The following STXBP5L variants were observed in gnomAD, a reference collection of about 807,000 sequenced individuals.
STXBP5L encodes syntaxin binding protein 5L.
In STXBP5L, 65 loss-of-function variants were observed where a neutral mutation model predicts 144.5. The observed-to-expected ratio is 0.45, with a 90% confidence interval of 0.37 to 0.55. The LOEUF (loss-of-function observed/expected upper bound fraction) is 0.55. Ranked by LOEUF, STXBP5L falls within the 20% of genes least tolerant of loss-of-function variation. The probability of loss-of-function intolerance (pLI) is 0.00; values close to 1 mark genes in which losing one functional copy is unlikely to be tolerated. For synonymous variants in STXBP5L, 505 were observed against 469.6 expected, an observed-to-expected ratio of 1.08 and a Z score of -0.97; for missense variants, 1,298 against 1,405.5, an observed-to-expected ratio of 0.92 and a Z score of 1.22.
At chr3:120,971,560 A>T (rs1214964838) in intron 3 of STXBP5L, among the ~76,000 whole-genome samples, 1 of 151,824 alleles carries the variant, frequency 6.6e-6, no homozygotes, top group Non-Finnish European at 1.5e-5. Context: ...AGTGGCCTCC[A>T]GTTCCATCCA....
At chr3:121,320,429 G>C (rs78599285) in intron 20 of STXBP5L, among the ~76,000 whole-genome samples, 297 of 151,846 alleles carry the variant, frequency 2.0e-3, no homozygotes, top group African/African-American at 6.9e-3. Flanking sequence ...ATCTAAGTAT[G>C]CCCCTTGTGA....
At chr3:121,192,916 G>C (rs1489195152) in intron 9 of STXBP5L, among the ~76,000 whole-genome samples, 1 of 152,004 alleles carries the variant, frequency 6.6e-6, no homozygotes, top group Admixed American at 6.6e-5. Flanking sequence ...GCATGGGCAA[G>C]GACTTCATAA....
intron 3 of STXBP5L, among the ~76,000 whole-genome samples, chr3:120,973,949 C>T (rs1029641620): frequency 1.3e-5 from 2 of 152,146 alleles, no homozygotes; most frequent in Non-Finnish European, 2.9e-5. Flanking sequence ...CATTGTTGGA[C>T]ATTTGGGTTG....
intron 9 of STXBP5L, among the ~76,000 whole-genome samples, chr3:121,179,256 C>T (rs1165404123): frequency 6.6e-6 from 1 of 151,958 alleles, no homozygotes; most frequent in African/African-American, 2.4e-5. Flanking sequence ...ACACCAAGAA[C>T]ATAACTACAA....
intron 5 of STXBP5L, among the ~76,000 whole-genome samples, chr3:121,059,532 G>C (rs1262163137): frequency 6.6e-6 from 1 of 152,104 alleles, no homozygotes; most frequent in Non-Finnish European, 1.5e-5. Context: ...GTAGCTTGAT[G>C]GGGATAGCAT....
chr3:120,939,661 ATTAG>A (rs1307720550), intron 2 of STXBP5L, among the ~76,000 whole-genome samples: 1 of 152,206 alleles, frequency 6.6e-6, no homozygotes, highest in Non-Finnish European at 1.5e-5. Context: ...TAACACCATA[ATTAG>A]TTAGATAACT....
Position 121,024,048 on chromosome 3 carries a change from G to C in STXBP5L, c.288-17652G>C, listed in dbSNP as rs188424593. Among the ~76,000 whole-genome samples, 556 of 152,086 alleles carry C rather than the reference G, an allele frequency of 3.7e-3. 1 individual carries two copies. Among genetic ancestry groups the C allele is most frequent in the Non-Finnish European group, 4.9e-3 (336 of 67,988 alleles). ...GCTGGGATTACAGGCATGAGCCACC[G>C]TGCCTGGCCTAAAAATGTATTCTTA... is the stretch of plus-strand genomic sequence containing the variant. On this transcript the variant is annotated intron_variant, in intron 3 of 26. Coordinates refer to ENST00000471454, the MANE Select transcript of STXBP5L (RefSeq NM_001308330.2).
intron 18 of STXBP5L, among the ~76,000 whole-genome samples, chr3:121,259,903 G>T (rs933511694): frequency 6.6e-6 from 1 of 151,628 alleles, no homozygotes; most frequent in Non-Finnish European, 1.5e-5. Flanking sequence ...GGCAGTCTAG[G>T]TTAAAAAACT....
intron 2 of STXBP5L, among the ~76,000 whole-genome samples, chr3:120,916,064 T>C (rs1363162897): frequency 6.6e-6 from 1 of 152,198 alleles, no homozygotes; most frequent in African/African-American, 2.4e-5. Flanking sequence ...TAATGCTTTC[T>C]GGGATTGATT....
chr3:121,084,064 TTTG>T (rs2042377053), intron 5 of STXBP5L, among the ~76,000 whole-genome samples: 2 of 152,260 alleles, frequency 1.3e-5, no homozygotes, highest in Admixed American at 1.3e-4. Context: ...CTCTATTCTT[TTTG>T]TTTTCAATTT....
intron 3 of STXBP5L, among the ~76,000 whole-genome samples, chr3:121,000,655 A>T (rs1943698784): frequency 6.6e-6 from 1 of 152,194 alleles, no homozygotes; most frequent in Non-Finnish European, 1.5e-5. Context: ...ATTGCTGGGA[A>T]GCTAATATGG....
intron 6 of STXBP5L, among the ~76,000 whole-genome samples, chr3:121,120,311 AT>A (rs1171131282): frequency 1.3e-5 from 2 of 151,284 alleles, no homozygotes; most frequent in Non-Finnish European, 3.0e-5. Flanking sequence ...AGAACACTGA[AT>A]TTATGTATAA....
At chr3:121,076,488 TAC>T (rs2107677589) in intron 5 of STXBP5L, among the ~76,000 whole-genome samples, 1 of 152,294 alleles carries the variant, frequency 6.6e-6, no homozygotes, top group South Asian at 2.1e-4. Context: ...ATTAGAGTCT[TAC>T]AGTAGGTCTT....
intron 9 of STXBP5L, among the ~76,000 whole-genome samples, chr3:121,187,196 G>A (rs1288672390): frequency 5.9e-5 from 9 of 152,102 alleles, no homozygotes; most frequent in Admixed American, 3.3e-4. Flanking sequence ...TGTGGCACAT[G>A]TACACCATGG....
At chr3:121,264,696 G>A (rs754498459) in intron 18 of STXBP5L, among the ~76,000 whole-genome samples, 1 of 151,404 alleles carries the variant, frequency 6.6e-6, no homozygotes. Context: ...TGGATAAAAA[G>A]TCAAGACCCA....
chr3:121,394,324 G>A (rs1197063663), intron 22 of STXBP5L, among the ~76,000 whole-genome samples: 1 of 151,846 alleles, frequency 6.6e-6, no homozygotes, highest in East Asian at 1.9e-4. Context: ...TTTTGAAGGA[G>A]TCTTTAGGGT....
At chr3:121,205,668 A>T (rs2048307192) in intron 9 of STXBP5L, among the ~76,000 whole-genome samples, 1 of 152,216 alleles carries the variant, frequency 6.6e-6, no homozygotes, top group Admixed American at 6.6e-5. Flanking sequence ...TGTGTGAAGG[A>T]TGTAAAGTGA....
chr3:121,348,894 T>A (rs1205018663), intron 20 of STXBP5L, among the ~76,000 whole-genome samples: 1 of 152,054 alleles, frequency 6.6e-6, no homozygotes, highest in Non-Finnish European at 1.5e-5. Flanking sequence ...TTTGTTGACC[T>A]TTTCAAAAAA....
chr3:121,109,588 T>C (rs1576983148), intron 5 of STXBP5L, among the ~76,000 whole-genome samples: 1 of 152,132 alleles, frequency 6.6e-6, no homozygotes, highest in Non-Finnish European at 1.5e-5. Flanking sequence ...TCTGAGAGAC[T>C]GTTATGATTT....
Sources: allele counts gnomAD v4.1 joint callset (sites outside exome capture counted in the v4.1 genomes callset), GRCh38; gene constraint gnomAD v4.1.1; transcripts MANE v1.5; gene names NCBI Gene and HGNC (gene_info 2026-07-23, HGNC 2026-07-21).